Variants in ZDHHC7 observed in about 807,000 individuals in gnomAD.
ZDHHC7 encodes the protein palmitoyltransferase ZDHHC7.
A neutral mutation model predicts 34.1 loss-of-function variants in ZDHHC7; 12 were observed. The observed-to-expected ratio is 0.35, with a 90% confidence interval of 0.23 to 0.57. The LOEUF (loss-of-function observed/expected upper bound fraction) is 0.57, where lower values mean the gene tolerates loss of function less well. Ranked by LOEUF, ZDHHC7 falls within the 20% of genes least tolerant of loss-of-function variation. The probability of loss-of-function intolerance (pLI) is 0.84; values close to 1 mark genes in which losing one functional copy is unlikely to be tolerated. For missense variants in ZDHHC7, 388 were observed against 402.7 expected, an observed-to-expected ratio of 0.96 and a Z score of 0.31; for synonymous variants, 185 against 155.4, an observed-to-expected ratio of 1.19 and a Z score of -1.42.
chr16:84,995,982 G>A lies in ZDHHC7; in HGVS notation c.-78C>T, dbSNP rs1009207910. The A allele has an allele frequency of 3.9e-5, 6 of 152,148 alleles. No individual in the cohort carries two copies. Among genetic ancestry groups the A allele is most frequent in the Admixed American group, 6.5e-5 (1 of 15,270 alleles). The allele number at this position is 152,148 out of a possible 1,614,324, so 9.4% of individuals were successfully genotyped here. ...TGTGCCGTTTCTTCAGGATCTTAAG[G>A]TGCATACTGTCCTATGTGATCGGAT... On this transcript the variant is annotated 5_prime_UTR_variant, in exon 2 of 8. Coordinates refer to ENST00000313732, the MANE Select transcript of ZDHHC7 (RefSeq NM_017740.3).
intron 1 of ZDHHC7, among the ~76,000 whole-genome samples, chr16:85,008,937 C>A (rs62050815): frequency 6.0e-5 from 9 of 150,966 alleles, no homozygotes; most frequent in Non-Finnish European, 1.2e-4. Flanking sequence ...CCCAGCTACT[C>A]GGGAGGCTGA....
In ZDHHC7 at chr16:84,975,555, C is replaced by G. The variant is rs1223038535; in HGVS notation, c.*788G>C. 6.6e-6 allele frequency: 1 copy of G among 152,642 alleles called. No homozygotes were observed. The highest frequency in any genetic ancestry group is 1.5e-5 in the Non-Finnish European group (1 of 68,042). 9.5% of individuals were successfully genotyped at this position (152,642 alleles called of 1,614,324 possible). On this transcript the variant is annotated 3_prime_UTR_variant, in exon 8 of 8. Transcript: ENST00000313732. ...GCACAGGAACGGCTGTTCTTTGGAT[C>G]GAGATGTCCTCCAACAGCAATACAT...
chr16:84,987,257 C>T (rs146109457), intron 3 of ZDHHC7, among the ~76,000 whole-genome samples: 96 of 152,370 alleles, frequency 6.3e-4, no homozygotes, highest in African/African-American at 2.2e-3. Context: ...AGCAGACATG[C>T]TTCCAAAGAA....
rs750108758 is a variant in ZDHHC7 at position 84,990,418 on chromosome 16, G to A, written c.201C>T (p.Phe67=). Residue 67 remains phenylalanine (F), a synonymous_variant, in exon 3 of 8, where the codon TTC becomes TTT. Transcript: ENST00000313732. ...LVAYADFVVT[F]VMLLPSKDFW... is the part of the protein sequence containing the mutation. ...AGTCTTTGGAAGGCAGCAGCATGAC[G>A]AAAGTCACCACGAAGTCTGCATAGG... The A allele has an allele frequency of 4.2e-5, 68 of 1,614,032 alleles. 1 individual carries two copies. Among genetic ancestry groups the A allele is most frequent in the South Asian group, 8.8e-5 (8 of 91,080 alleles).
intron 2 of ZDHHC7, among the ~76,000 whole-genome samples, chr16:84,995,375 C>G (rs1431384069): frequency 1.3e-5 from 2 of 152,228 alleles, no homozygotes; most frequent in Admixed American, 6.5e-5. Flanking sequence ...CCTGTAATCC[C>G]AGCACTTTGG....
upstream of ZDHHC7, among the ~76,000 whole-genome samples, chr16:85,013,662 G>A (rs1264664198): frequency 6.6e-6 from 1 of 151,922 alleles, no homozygotes; most frequent in African/African-American, 2.4e-5. Context: ...ATAAACTTCT[G>A]TTTTTCTCTT....
Position 84,976,139 on chromosome 16 carries a change from T to C in ZDHHC7, c.*204A>G. On this transcript the variant is annotated 3_prime_UTR_variant, in exon 8 of 8. Coordinates refer to ENST00000313732, the MANE Select transcript of ZDHHC7 (RefSeq NM_017740.3). ...TGGCTTCTTCGTGTGGCCACACACC[T>C]TTCCGTTGTTGTACAGGTGGGGACT... 2 of 655,358 alleles carry C rather than the reference T, an allele frequency of 3.1e-6. No homozygotes were observed. Among genetic ancestry groups the C allele is most frequent in the South Asian group, 2.0e-5 (1 of 49,260 alleles). 40.6% of individuals were successfully genotyped at this position (655,358 alleles called of 1,614,324 possible).
chr16:84,994,550 G>GTT (rs2072551801), intron 2 of ZDHHC7, among the ~76,000 whole-genome samples: 1 of 152,194 alleles, frequency 6.6e-6, no homozygotes, highest in African/African-American at 2.4e-5. Flanking sequence ...AGGCACACAT[G>GTT]TGACACCTGA....
Position 84,975,649 on chromosome 16 carries a change from T to C in ZDHHC7, c.*694A>G, listed in dbSNP as rs1287925839. On this transcript the variant is annotated 3_prime_UTR_variant, in exon 8 of 8. Transcript: ENST00000313732. ...CCCTGAAACGTCGGTTTCTAAAAAA[T>C]AGCTTGTTTGCTGTACACAGCCGGT... 6.6e-6 allele frequency: 1 copy of C among 152,644 alleles called. No individual in the cohort carries two copies. The highest frequency in any genetic ancestry group is 2.4e-5 in the African/African-American group (1 of 41,460). 9.5% of individuals were successfully genotyped at this position (152,644 alleles called of 1,614,324 possible).
upstream of ZDHHC7, among the ~76,000 whole-genome samples, chr16:85,015,646 G>C (rs1224526172): frequency 2.0e-5 from 3 of 152,072 alleles, no homozygotes; most frequent in Admixed American, 2.0e-4. Context: ...AGGCCAGTTT[G>C]AGACCAGCCT....
At chr16:85,008,380 T>C (rs1328561586) in intron 1 of ZDHHC7, among the ~76,000 whole-genome samples, 3 of 151,878 alleles carry the variant, frequency 2.0e-5, no homozygotes, top group Non-Finnish European at 4.4e-5. Context: ...CTGTCACACA[T>C]CAATGCCAAA....
At chr16:85,015,955 G>C (rs986846816), upstream of ZDHHC7, among the ~76,000 whole-genome samples, 7 of 152,248 alleles carry the variant, frequency 4.6e-5, no homozygotes, top group East Asian at 1.9e-4. Context: ...CAAAAAGTCT[G>C]TTTCTTCATC....
intron 4 of ZDHHC7, among the ~76,000 whole-genome samples, chr16:84,979,487 T>C (rs2072338755): frequency 6.6e-6 from 1 of 152,204 alleles, no homozygotes; most frequent in Non-Finnish European, 1.5e-5. Context: ...AAATACTCAA[T>C]GGACCAACAG....
Position 84,977,145 on chromosome 16 carries a change from T to A in ZDHHC7, c.700A>T (p.Thr234Ser). Residue 234 changes from threonine to serine, a missense_variant, in exon 7 of 8, where the codon ACT becomes TCT. Transcript: ENST00000313732. ...ATTTGGGTGCCAAACATAACTGCAGTGAAAGTGAAAAACAGAAGACCCTCA... is the reference window on the plus strand; with the variant it reads ...ATTTGGGTGCCAAACATAACTGCAGAGAAAGTGAAAAACAGAAGACCCTCA... The part of the protein sequence containing the change: ...CLEGLLFFTF[T>S]AVMFGTQIHS... 6.2e-7 allele frequency: 1 copy of A among 1,614,084 alleles called. No homozygotes were observed. Among genetic ancestry groups the A allele is most frequent in the Non-Finnish European group, 8.5e-7 (1 of 1,180,010 alleles).
chr16:85,009,975 TG>T (rs1202712127), intron 1 of ZDHHC7, among the ~76,000 whole-genome samples: 1 of 151,942 alleles, frequency 6.6e-6, no homozygotes, highest in Admixed American at 6.6e-5. Flanking sequence ...CCCAAAGTGC[TG>T]GGATCACAGG....
At chr16:84,978,423 C>T (rs1385934892) in intron 5 of ZDHHC7, among the ~76,000 whole-genome samples, 3 of 152,188 alleles carry the variant, frequency 2.0e-5, no homozygotes, top group Non-Finnish European at 4.4e-5. Context: ...TCATATTAGA[C>T]CAAGTAGAAT....
At chr16:85,012,066 C>T (rs566441036), upstream of ZDHHC7, among the ~76,000 whole-genome samples, 214 of 152,228 alleles carry the variant, frequency 1.4e-3, 1 homozygote, top group African/African-American at 4.8e-3. Context: ...TATAGGAAGC[C>T]CTAAGTGTTT....
intron 3 of ZDHHC7, among the ~76,000 whole-genome samples, chr16:84,987,337 A>G (rs752321832): frequency 6.6e-5 from 10 of 152,264 alleles, no homozygotes; most frequent in Non-Finnish European, 1.2e-4. Flanking sequence ...GATACACAGC[A>G]AAGACAGTGA....
At chr16:85,023,172 T>C in the ZDHHC7 span, among the ~76,000 whole-genome samples, 2 of 150,616 alleles carry the variant, frequency 1.3e-5, no homozygotes, top group African/African-American at 4.9e-5. Context: ...TCTTTTCTTT[T>C]TTTTTTTTTT....
Sources: allele counts gnomAD v4.1 joint callset (sites outside exome capture counted in the v4.1 genomes callset), GRCh38; gene constraint gnomAD v4.1.1; transcripts MANE v1.5; gene names NCBI Gene and HGNC (gene_info 2026-07-23, HGNC 2026-07-21).